The following GNB1 variants were observed in gnomAD, a reference collection of about 807,000 sequenced individuals.
GNB1 encodes the protein G protein subunit beta 1, also known as guanine nucleotide-binding protein G(I)/G(S)/G(T) subunit beta-1.
A neutral mutation model predicts 42.9 loss-of-function variants in GNB1; 2 were observed. The observed-to-expected ratio is 0.05, with a 90% CI of 0.02 to 0.15. The LOEUF (loss-of-function observed/expected upper bound fraction) is 0.15, where lower values mean the gene tolerates loss of function less well. Ranked by LOEUF, GNB1 falls within the 10% of genes least tolerant of loss-of-function variation. The pLI is 1.00. For missense variants in GNB1, 193 were observed against 462.2 expected, an observed-to-expected ratio of 0.42 and a Z score of 5.34; for synonymous variants, 183 against 174.7, an observed-to-expected ratio of 1.05 and a Z score of -0.38.
chr1:1,854,799 G>A (rs181989650), intron 1 of GNB1, among the ~76,000 whole-genome samples: 173 of 152,314 alleles, frequency 1.1e-3, no homozygotes, highest in Middle Eastern at 3.4e-3. Context: ...TTGGGAAGCC[G>A]AGGTGGATGG....
At position 1,789,557 on chromosome 1, in the gene GNB1, C is replaced by T. The variant is rs1294887556; in HGVS notation, c.700-288G>A. Among the ~76,000 whole-genome samples the T allele has an allele frequency of 3.3e-5, 5 of 152,038 alleles. No homozygotes were observed. The South Asian group carries it at 6.2e-4, about 19-fold the overall frequency. ...AAAATACAAAATTAGCTGGGCGTGG[C>T]GGCGTGCGCCTGTAATCCCAGCTAC... On this transcript the variant is annotated intron_variant, in intron 9 of 11. Transcript: ENST00000378609.
intron 1 of GNB1, chr1:1,890,425 C>G (rs1650424863): frequency 6.7e-6 from 1 of 150,298 alleles, no homozygotes; most frequent in Non-Finnish European, 1.5e-5. Context: ...CAGGCCCGCC[C>G]GGCCTTTGTT....
chr1:1,873,728 G>T (rs1044998403), intron 1 of GNB1, among the ~76,000 whole-genome samples: 4 of 152,202 alleles, frequency 2.6e-5, no homozygotes, highest in Non-Finnish European at 5.9e-5. Flanking sequence ...TGAGGCAGAA[G>T]AATTGCTTGA....
At chr1:1,827,104 T>C (rs1570677286) in intron 2 of GNB1, among the ~76,000 whole-genome samples, 1 of 152,238 alleles carries the variant, frequency 6.6e-6, no homozygotes, top group Non-Finnish European at 1.5e-5. Context: ...ATCTAACTGA[T>C]AGCAGTTATT....
intron 2 of GNB1, among the ~76,000 whole-genome samples, chr1:1,833,320 A>T (rs1404920234): frequency 1.3e-5 from 2 of 152,082 alleles, no homozygotes; most frequent in African/African-American, 4.8e-5. Context: ...TCACTTTTCC[A>T]TTTTTCTTTC....
At chr1:1,875,839 C>A (rs1423309170) in intron 1 of GNB1, among the ~76,000 whole-genome samples, 1 of 368 alleles carries the variant, frequency 2.7e-3, no homozygotes, top group African/African-American at 0.031. Context: ...CAACAGTGTC[C>A]CCCCCCCCAA....
intron 1 of GNB1, among the ~76,000 whole-genome samples, chr1:1,888,224 A>G (rs928559118): frequency 2.0e-5 from 3 of 152,144 alleles, no homozygotes; most frequent in African/African-American, 4.8e-5. Context: ...TCATGTTGGA[A>G]CAGTTTCCTC....
At chr1:1,849,117 C>T (rs1396541086) in intron 1 of GNB1, among the ~76,000 whole-genome samples, 1 of 152,152 alleles carries the variant, frequency 6.6e-6, no homozygotes, top group Non-Finnish European at 1.5e-5. Flanking sequence ...GCCCAAGTAA[C>T]AAAGCCCCAA....
At chr1:1,815,112 T>C (rs1344519905) in intron 5 of GNB1, among the ~76,000 whole-genome samples, 1 of 123,378 alleles carries the variant, frequency 8.1e-6, no homozygotes, top group African/African-American at 3.0e-5. Context: ...ACTCCGTCTT[T>C]AAAAAAAAAA....
intron 2 of GNB1, among the ~76,000 whole-genome samples, chr1:1,833,858 C>T (rs1053465800): frequency 3.9e-5 from 6 of 151,966 alleles, no homozygotes; most frequent in Non-Finnish European, 5.9e-5. Context: ...TTTGCCTGTG[C>T]CTATAAAGTA....
intron 2 of GNB1, among the ~76,000 whole-genome samples, chr1:1,828,022 T>C (rs1376496763): frequency 6.6e-6 from 1 of 152,140 alleles, no homozygotes; most frequent in Non-Finnish European, 1.5e-5. Context: ...TCTGAGATGC[T>C]TCAAAAATGA....
intron 2 of GNB1, among the ~76,000 whole-genome samples, chr1:1,826,599 G>A (rs985405853): frequency 6.6e-6 from 1 of 152,056 alleles, no homozygotes; most frequent in African/African-American, 2.4e-5. Flanking sequence ...GCAATCCTGA[G>A]CACACAGGGT....
At chr1:1,809,820 A>G (rs569932937) in intron 5 of GNB1, among the ~76,000 whole-genome samples, 1 of 152,256 alleles carries the variant, frequency 6.6e-6, no homozygotes, top group South Asian at 2.1e-4. Flanking sequence ...ACCTACTCAA[A>G]AATCAATTAT....
At chr1:1,863,617 C>CA (rs1168843153) in intron 1 of GNB1, among the ~76,000 whole-genome samples, 5 of 152,114 alleles carry the variant, frequency 3.3e-5, no homozygotes, top group South Asian at 2.1e-4. Flanking sequence ...TAAAAGAACA[C>CA]AAAAAACAAA....
intron 2 of GNB1, among the ~76,000 whole-genome samples, chr1:1,837,162 T>C (rs1647162909): frequency 6.6e-6 from 1 of 152,170 alleles, no homozygotes; most frequent in Non-Finnish European, 1.5e-5. Flanking sequence ...GCATTCTATC[T>C]TTGATCTCAC....
At chr1:1,806,589 T>C in intron 5 of GNB1, 51 bp from the exon 6 acceptor site, 2 of 1,246,692 alleles carry the variant, frequency 1.6e-6, no homozygotes, top group Non-Finnish European at 2.3e-6. Context: ...ACACAGAAAG[T>C]GTACAAGAGC....
chr1:1,881,234 C>A (rs1360572322), intron 1 of GNB1, among the ~76,000 whole-genome samples: 1 of 152,098 alleles, frequency 6.6e-6, no homozygotes, highest in Admixed American at 6.6e-5. Flanking sequence ...TCCCTTCGGT[C>A]ACCAGGTCTT....
rs567281039 is a variant in GNB1, at chr1:1,862,554, T to C, written c.-95-23316A>G. Among the ~76,000 whole-genome samples the C allele has an allele frequency of 2.5e-4, 38 of 152,020 alleles. 1 individual carries two copies. In the South Asian group the frequency reaches 5.0e-3, roughly 20 times the overall value. On this transcript the variant is annotated intron_variant, in intron 1 of 11. Transcript: ENST00000378609. ...ACGGCTCACTGCAGACTTGACCTCC[T>C]GGGCTCAAGCAATCCTCCCACCTCA...
chr1:1,808,005 G>A (rs529698566), intron 5 of GNB1, among the ~76,000 whole-genome samples: 13 of 151,386 alleles, frequency 8.6e-5, no homozygotes, highest in South Asian at 4.2e-4. Flanking sequence ...CACCACGCCC[G>A]GCCTCTTTTT....
Sources: gnomAD v4.1 joint callset for allele counts (sites outside exome capture counted in the v4.1 genomes callset) on GRCh38, gnomAD v4.1.1 for gene constraint, MANE v1.5 for transcripts, NCBI Gene and HGNC (gene_info 2026-07-23, HGNC 2026-07-21) for gene names.